Variants in USP47 observed in about 807,000 individuals in gnomAD.
USP47 encodes ubiquitin carboxyl-terminal hydrolase 47.
Under a neutral mutation model 165.1 loss-of-function variants are expected in USP47, and 35 were observed. The observed-to-expected ratio is 0.21, with a 90% CI of 0.16 to 0.28. The LOEUF is 0.28. Ranked by LOEUF, USP47 falls within the 10% of genes least tolerant of loss-of-function variation. The pLI is 1.00. For synonymous variants in USP47, 531 were observed against 544.5 expected (o/e 0.98, Z 0.35); for missense variants, 1,277 against 1,607.4 (o/e 0.79, Z 3.52).
At chr11:11,900,672 T>A (rs532064880) in intron 5 of USP47, among the ~76,000 whole-genome samples, 1 of 152,318 alleles carries the variant, frequency 6.6e-6, no homozygotes, top group East Asian at 1.9e-4. Context: ...GTGGTTACAT[T>A]TCAGATTGAA....
At chr11:11,926,616 C>T (rs1854266527) in intron 11 of USP47, among the ~76,000 whole-genome samples, 1 of 150,376 alleles carries the variant, frequency 6.6e-6, no homozygotes, top group Non-Finnish European at 1.5e-5. Context: ...TTCAAAAAGC[C>T]AGCTCTTAGT....
At chr11:11,890,651 C>T (rs1020428004) in intron 3 of USP47, among the ~76,000 whole-genome samples, 2 of 152,128 alleles carry the variant, frequency 1.3e-5, no homozygotes, top group Admixed American at 6.5e-5. Context: ...CCAGCAGTCC[C>T]ATTACTGAGT....
intron 1 of USP47, among the ~76,000 whole-genome samples, chr11:11,846,097 G>T (rs1848412194): frequency 6.6e-6 from 1 of 152,152 alleles, no homozygotes; most frequent in African/African-American, 2.4e-5. Flanking sequence ...AGCAAAGAGA[G>T]TGGTATCTCT....
At chr11:11,900,627 A>G (rs1852165861) in intron 5 of USP47, among the ~76,000 whole-genome samples, 1 of 152,230 alleles carries the variant, frequency 6.6e-6, no homozygotes, top group South Asian at 2.1e-4. Flanking sequence ...TAAACCAGGC[A>G]TGGATATATT....
At chr11:11,950,308 C>A in intron 23 of USP47, 56 bp from the exon 24 acceptor site, 1 of 1,244,868 alleles carries the variant, frequency 8.0e-7, no homozygotes, top group Non-Finnish European at 1.1e-6. Context: ...TAGTGTCAAT[C>A]TTTAAATTGA....
At chr11:11,913,254 T>C (rs1853140072) in intron 8 of USP47, among the ~76,000 whole-genome samples, 1 of 116,320 alleles carries the variant, frequency 8.6e-6, no homozygotes. Context: ...GAAAATCCCT[T>C]GTACAAAAAA....
At chr11:11,845,084 G>A (rs1001795963) in intron 1 of USP47, among the ~76,000 whole-genome samples, 1 of 152,122 alleles carries the variant, frequency 6.6e-6, no homozygotes, top group Admixed American at 6.5e-5. Flanking sequence ...TCAAATTTTA[G>A]TCTTGAAACA....
intron 1 of USP47, among the ~76,000 whole-genome samples, chr11:11,875,032 A>T (rs865975963): frequency 9.7e-6 from 1 of 103,338 alleles, no homozygotes; most frequent in South Asian, 3.6e-4. Context: ...AAATTGACTT[A>T]TTGTGTGTGT....
At chr11:11,932,205 C>G (rs552149549) in intron 14 of USP47, among the ~76,000 whole-genome samples, 2 of 152,060 alleles carry the variant, frequency 1.3e-5, no homozygotes, top group African/African-American at 4.8e-5. Flanking sequence ...GTGCCACACA[C>G]TTTTAAATGA....
chr11:11,869,753 C>T lies in USP47; in HGVS notation c.40-10424C>T, dbSNP rs76907397. Among the ~76,000 whole-genome samples the T allele has an allele frequency of 4.0e-3, 602 of 152,194 alleles. 2 individuals are homozygous for T. Among genetic ancestry groups the T allele is most frequent in the African/African-American group, 0.014 (586 of 41,516 alleles). On this transcript the variant is annotated intron_variant, in intron 1 of 27. Coordinates refer to ENST00000527733, the MANE Select transcript of USP47 (RefSeq NM_001282659.2). ...TGATAGTATTAAGAGATGTCAAATA[C>T]CTTTAAGAGGTATTTAGATCATGAG...
intron 25 of USP47, among the ~76,000 whole-genome samples, chr11:11,954,251 A>G (rs1194008163): frequency 6.6e-6 from 1 of 152,112 alleles, no homozygotes; most frequent in East Asian, 1.9e-4. Flanking sequence ...CTCTGTCTCA[A>G]GAAAAAAGAA....
At chr11:11,945,939 C>T (rs560478997) in intron 20 of USP47, among the ~76,000 whole-genome samples, 3 of 142,592 alleles carry the variant, frequency 2.1e-5, no homozygotes, top group African/African-American at 7.7e-5. Flanking sequence ...TGTCCCCCCC[C>T]CAAAAAAAAA....
At chr11:11,909,751 C>T (rs4910429) in intron 8 of USP47, among the ~76,000 whole-genome samples, 43,874 of 152,090 alleles carry the variant, frequency 0.29, 6,446 homozygotes, top group Middle Eastern at 0.36. Flanking sequence ...TAATTTCATA[C>T]AGTGCCTTTG....
chr11:11,851,895 T>G (rs1848748155), intron 1 of USP47, among the ~76,000 whole-genome samples: 1 of 152,150 alleles, frequency 6.6e-6, no homozygotes, highest in African/African-American at 2.4e-5. Flanking sequence ...ACAGATGGGA[T>G]GTGTTCTTCT....
At position 11,895,710 on chromosome 11, in the gene USP47, G is replaced by A. The variant is rs79514322; in HGVS notation, c.497-1887G>A. Among the ~76,000 whole-genome samples the A allele has an allele frequency of 7.2e-3, 1,093 of 152,236 alleles. 11 individuals are homozygous for A. Among genetic ancestry groups the A allele is most frequent in the African/African-American group, 0.025 (1,033 of 41,546 alleles). ...ATTGAAGGCTAATGTGAACTTACAA[G>A]TGATTAGAAACTAAATCCATGATAC... is the stretch of plus-strand genomic sequence containing the variant. On this transcript the variant is annotated intron_variant, in intron 4 of 27. Transcript: ENST00000527733.
intron 1 of USP47, among the ~76,000 whole-genome samples, chr11:11,874,354 ATC>A (rs1850256029): frequency 6.6e-6 from 1 of 152,018 alleles, no homozygotes; most frequent in Non-Finnish European, 1.5e-5. Flanking sequence ...TGCTCCTTTA[ATC>A]TCTCTTATCC....
In USP47 at chr11:11,942,531, A is replaced by G. The variant is rs1192313068; in HGVS notation, c.2510A>G (p.Glu837Gly). Residue 837 changes from glutamate to glycine, a missense_variant, in exon 20 of 28, where the codon GAA (glutamate) becomes GGA (glycine). By Grantham distance (98) the Glu-to-Gly change is moderately conservative (BLOSUM62 -2). Transcript: ENST00000527733. ...TCTGGTAATGTGGATGATGACTGTGAAAGAGTCAAAGGACCTGTAGGAAGC... is the reference window on the plus strand; with the variant it reads ...TCTGGTAATGTGGATGATGACTGTGGAAGAGTCAAAGGACCTGTAGGAAGC... The part of the protein sequence containing the change: ...GDSGNVDDDC[E>G]RVKGPVGSLK... 1 of 1,613,540 alleles carries G rather than the reference A, an allele frequency of 6.2e-7. No individual in the cohort carries two copies. Among genetic ancestry groups the G allele is most frequent in the Non-Finnish European group, 8.5e-7 (1 of 1,179,780 alleles).
At chr11:11,892,248 A>C (rs1851562587) in intron 4 of USP47, 142 bp downstream of exon 4, 5 of 820,222 alleles carry the variant, frequency 6.1e-6, no homozygotes, top group Non-Finnish European at 9.0e-6. Context: ...GCAAAGTTAG[A>C]AGAAGTATGT....
intron 5 of USP47, among the ~76,000 whole-genome samples, chr11:11,901,244 A>G (rs1038470705): frequency 3.3e-5 from 5 of 152,190 alleles, no homozygotes; most frequent in African/African-American, 4.8e-5. Context: ...CCCAAAAGAA[A>G]AGAAAAAGTC....
Sources: gnomAD v4.1 joint callset for allele counts (sites outside exome capture counted in the v4.1 genomes callset) on GRCh38, gnomAD v4.1.1 for gene constraint, MANE v1.5 for transcripts, NCBI Gene and HGNC (gene_info 2026-07-23, HGNC 2026-07-21) for gene names.